The following LRRC28 variants were observed in gnomAD, a reference collection of about 807,000 sequenced individuals.
LRRC28 encodes the protein leucine rich repeat containing 28.
Under a neutral mutation model 45.7 loss-of-function variants are expected in LRRC28, and 39 were observed. The observed-to-expected ratio is 0.85, with a 90% CI of 0.66 to 1.12. The LOEUF (loss-of-function observed/expected upper bound fraction) is 1.12, where lower values mean the gene tolerates loss of function less well. Among genes scored for constraint, LRRC28 ranks in the 50% most tolerant of loss-of-function variants. LRRC28 has a pLI of 0.00. For synonymous variants in LRRC28, 206 were observed against 178.8 expected (o/e 1.15, Z -1.22); for missense variants, 435 against 438.5 (o/e 0.99, Z 0.07).
chr15:99,274,196 A>G (rs761590838), intron 2 of LRRC28, among the ~76,000 whole-genome samples: 1 of 152,250 alleles, frequency 6.6e-6, no homozygotes, highest in South Asian at 2.1e-4. Context: ...CCTTGACTTC[A>G]TAACAATATT....
At chr15:99,258,359 ATTACCC>A in intron 2 of LRRC28, 1 of 1,270,478 alleles carries the variant, frequency 7.9e-7, no homozygotes, top group African/African-American at 1.5e-5. Context: ...GGGAACGACC[ATTACCC>A]TTGTCTTAAA....
At chr15:99,350,016 G>T (rs1956823368) in intron 6 of LRRC28, among the ~76,000 whole-genome samples, 1 of 151,446 alleles carries the variant, frequency 6.6e-6, no homozygotes, top group African/African-American at 2.4e-5. Context: ...GGCGCCTGTA[G>T]TCCCAGCTAC....
chr15:99,260,031 C>A (rs1414008578), intron 2 of LRRC28: 4 of 573,300 alleles, frequency 7.0e-6, no homozygotes, highest in African/African-American at 1.9e-5. Context: ...ATTATACTCT[C>A]ATCGTTTGGA....
chr15:99,360,072 A>G (rs1229825182), intron 7 of LRRC28, among the ~76,000 whole-genome samples: 1 of 152,156 alleles, frequency 6.6e-6, no homozygotes, highest in Non-Finnish European at 1.5e-5. Flanking sequence ...AAAACAAAGA[A>G]AAAAAAACCA....
chr15:99,321,879 G>A (rs1189916275), intron 5 of LRRC28, among the ~76,000 whole-genome samples: 1 of 152,132 alleles, frequency 6.6e-6, no homozygotes, highest in African/African-American at 2.4e-5. Context: ...GGTTTGACAT[G>A]TAAATAAATG....
chr15:99,332,273 TAAGTTC>T (rs1169892042), intron 5 of LRRC28, among the ~76,000 whole-genome samples: 1 of 152,094 alleles, frequency 6.6e-6, no homozygotes, highest in African/African-American at 2.4e-5. Context: ...ATGCACCAGT[TAAGTTC>T]AAGTAGAAAA....
intron 2 of LRRC28, among the ~76,000 whole-genome samples, chr15:99,272,576 G>A (rs185679655): frequency 2.0e-5 from 3 of 152,314 alleles, no homozygotes; most frequent in Admixed American, 2.0e-4. Flanking sequence ...TCCCATTTAA[G>A]TGGAGTCTAA....
At chr15:99,287,697 G>A in intron 4 of LRRC28, 117 bp from the exon 5 acceptor site, 1 of 1,094,798 alleles carries the variant, frequency 9.1e-7, no homozygotes, top group African/African-American at 1.6e-5. Context: ...ACTATTTTGT[G>A]AGCAACTGAG....
chr15:99,309,597 C>T (rs1261481334), intron 5 of LRRC28, among the ~76,000 whole-genome samples: 6 of 151,992 alleles, frequency 3.9e-5, no homozygotes, highest in South Asian at 2.1e-4. Flanking sequence ...TTAGTAGAGA[C>T]GCGGTTTCAT....
intron 3 of LRRC28, among the ~76,000 whole-genome samples, chr15:99,276,961 A>T (rs905806160): frequency 6.6e-6 from 1 of 152,212 alleles, no homozygotes; most frequent in African/African-American, 2.4e-5. Flanking sequence ...TACTTGATAT[A>T]AACAGGTCGT....
At position 99,387,236 on chromosome 15, in the gene LRRC28, ATTTT is replaced by A. The variant is rs1458249886; in HGVS notation, c.*1136_*1139del. The A allele has an allele frequency of 1.4e-5, 2 of 148,110 alleles. No homozygotes were observed. Among genetic ancestry groups the A allele is most frequent in the African/African-American group, 5.0e-5 (2 of 40,194 alleles). The allele number at this position is 148,110 out of a possible 1,614,324, so 9.2% of individuals were successfully genotyped here. On this transcript the variant is annotated 3_prime_UTR_variant, in exon 10 of 10. Transcript: ENST00000301981. Reference sequence around the variant, plus strand: ...CCACCACGCCCGGCTAATTTTTTGTATTTTTAGTAGAGACGGGGTTTCACCGTGT... The same window carrying A: ...CCACCACGCCCGGCTAATTTTTTGTATAGTAGAGACGGGGTTTCACCGTGT...
intron 9 of LRRC28, among the ~76,000 whole-genome samples, chr15:99,366,640 G>A (rs920580953): frequency 6.6e-6 from 1 of 152,026 alleles, no homozygotes; most frequent in Non-Finnish European, 1.5e-5. Context: ...CTTCTTATAA[G>A]GGCACAAATC....
intron 3 of LRRC28, among the ~76,000 whole-genome samples, chr15:99,282,650 C>G (rs2152195785): frequency 6.6e-6 from 1 of 152,330 alleles, no homozygotes; most frequent in Non-Finnish European, 1.5e-5. Flanking sequence ...CTAAGAGCAA[C>G]TACACCTTGT....
chr15:99,270,464 AC>A (rs1346939682), intron 2 of LRRC28, among the ~76,000 whole-genome samples: 1 of 148,414 alleles, frequency 6.7e-6, no homozygotes, highest in African/African-American at 2.5e-5. Flanking sequence ...AGCCCTGGTA[AC>A]CAGCAATCTG....
chr15:99,344,058 C>G (rs1297375369), intron 6 of LRRC28, among the ~76,000 whole-genome samples: 1 of 152,170 alleles, frequency 6.6e-6, no homozygotes, highest in Admixed American at 6.5e-5. Flanking sequence ...GCAGAGCTGC[C>G]TGGTTCTCTT....
intron 9 of LRRC28, among the ~76,000 whole-genome samples, chr15:99,380,587 T>A (rs1397687884): frequency 6.6e-6 from 1 of 152,242 alleles, no homozygotes; most frequent in Non-Finnish European, 1.5e-5. Flanking sequence ...TGATGTTAAC[T>A]GGTTATTTTG....
intron 5 of LRRC28, among the ~76,000 whole-genome samples, chr15:99,297,688 TAAC>T (rs1226272615): frequency 6.6e-6 from 1 of 151,146 alleles, no homozygotes; most frequent in Non-Finnish European, 1.5e-5. Context: ...AACTTTATAA[TAAC>T]AGATTTTAAA....
intron 2 of LRRC28, among the ~76,000 whole-genome samples, chr15:99,268,891 A>C (rs2081400363): frequency 6.6e-6 from 1 of 152,148 alleles, no homozygotes; most frequent in Admixed American, 6.5e-5. Flanking sequence ...GATGCTTGTA[A>C]CCTCCAACCC....
intron 7 of LRRC28, among the ~76,000 whole-genome samples, chr15:99,354,896 T>C (rs927426571): frequency 6.6e-6 from 1 of 152,204 alleles, no homozygotes; most frequent in Non-Finnish European, 1.5e-5. Flanking sequence ...CAGTACCCTT[T>C]TCAGATTGAG....
Sources: allele counts gnomAD v4.1 joint callset (sites outside exome capture counted in the v4.1 genomes callset), GRCh38; gene constraint gnomAD v4.1.1; transcripts MANE v1.5; gene names NCBI Gene and HGNC (gene_info 2026-07-23, HGNC 2026-07-21).